KCNIP1: variants seen among roughly 807,000 people sequenced by gnomAD.
The protein encoded by KCNIP1 is potassium voltage-gated channel interacting protein 1.
A neutral mutation model predicts 33.0 loss-of-function variants in KCNIP1; 18 were observed. The ratio of observed to expected loss-of-function variants is 0.55; its 90% confidence interval spans 0.38 to 0.81. The LOEUF is 0.81. Among genes scored for constraint, KCNIP1 ranks in the 30% least tolerant of loss-of-function variants. The pLI, the probability that KCNIP1 is intolerant of heterozygous loss-of-function variation, is 0.00. For synonymous variants in KCNIP1, 93 were observed against 98.3 expected (o/e 0.95, Z 0.32); for missense variants, 238 against 271.6 (o/e 0.88, Z 0.87).
At chr5:170,670,920 A>T (rs1445603146) in intron 1 of KCNIP1, among the ~76,000 whole-genome samples, 1 of 151,848 alleles carries the variant, frequency 6.6e-6, no homozygotes, top group Admixed American at 6.6e-5. Flanking sequence ...AAAATAAAAA[A>T]AAAAGAAGAG....
At chr5:170,659,837 A>T (rs1173797222) in intron 1 of KCNIP1, among the ~76,000 whole-genome samples, 1 of 152,250 alleles carries the variant, frequency 6.6e-6, no homozygotes, top group African/African-American at 2.4e-5. Flanking sequence ...TATTTTTAAT[A>T]GAACTGCTTC....
intron 1 of KCNIP1, among the ~76,000 whole-genome samples, chr5:170,653,260 A>C (rs539838868): frequency 6.6e-6 from 1 of 152,300 alleles, no homozygotes; most frequent in African/African-American, 2.4e-5. Flanking sequence ...GGAATTGGGG[A>C]AACTCTCCCC....
intron 1 of KCNIP1, among the ~76,000 whole-genome samples, chr5:170,588,875 T>A (rs79214914): frequency 0.087 from 13,167 of 152,214 alleles, 638 homozygotes; most frequent in South Asian, 0.12. Context: ...TTCTTGCTGA[T>A]GGCCTTAGGC....
chr5:170,386,700 T>G (rs1474863898), intron 1 of KCNIP1, among the ~76,000 whole-genome samples: 7 of 150,962 alleles, frequency 4.6e-5, no homozygotes, highest in Non-Finnish European at 8.9e-5. Flanking sequence ...TTTTTTTTTG[T>G]AAGGAACATT....
chr5:170,445,805 T>C (rs566217460), intron 1 of KCNIP1, among the ~76,000 whole-genome samples: 6 of 152,326 alleles, frequency 3.9e-5, no homozygotes, highest in Admixed American at 1.3e-4. Flanking sequence ...AGCCAGGCCA[T>C]ACTACCGAGG....
chr5:170,447,440 A>G (rs1176372219), intron 1 of KCNIP1, among the ~76,000 whole-genome samples: 1 of 152,182 alleles, frequency 6.6e-6, no homozygotes, highest in Non-Finnish European at 1.5e-5. Flanking sequence ...TAAATGAGCT[A>G]GACTCAGTCA....
chr5:170,434,236 G>T (rs1240636812), intron 1 of KCNIP1, among the ~76,000 whole-genome samples: 1 of 151,880 alleles, frequency 6.6e-6, no homozygotes, highest in African/African-American at 2.4e-5. Flanking sequence ...GTATGTATGT[G>T]TTAAGATTCA....
At chr5:170,498,159 G>A (rs1013094962) in intron 1 of KCNIP1, among the ~76,000 whole-genome samples, 3 of 152,238 alleles carry the variant, frequency 2.0e-5, no homozygotes, top group Non-Finnish European at 4.4e-5. Context: ...AAGGGAACTG[G>A]AAGGGGAAAG....
chr5:170,722,791 A>T lies in KCNIP1; in HGVS notation c.406A>T (p.Ile136Phe). ...KLRWTFNLYD[I>F]NKDGYINKEE... Reference sequence around the variant, plus strand: ...AAGGTGGACATTTAATTTGTATGACATCAACAAGGACGGATACATAAACAA... The same window carrying T: ...AAGGTGGACATTTAATTTGTATGACTTCAACAAGGACGGATACATAAACAA... Residue 136 changes from isoleucine to phenylalanine, a missense_variant, in exon 5 of 8, where the codon ATC becomes TTC. Coordinates refer to ENST00000328939, the MANE Select transcript of KCNIP1 (RefSeq NM_014592.4). 1.9e-6 allele frequency: 3 copies of T among 1,613,504 alleles called. No individual in the cohort carries two copies. The highest frequency in any genetic ancestry group is 1.7e-6 in the Non-Finnish European group (2 of 1,179,420).
chr5:170,526,165 A>G (rs1411695872), intron 1 of KCNIP1, among the ~76,000 whole-genome samples: 1 of 152,098 alleles, frequency 6.6e-6, no homozygotes, highest in Non-Finnish European at 1.5e-5. Context: ...GGCCATGCTC[A>G]TGTCACCCTC....
intron 1 of KCNIP1, among the ~76,000 whole-genome samples, chr5:170,526,921 C>T (rs368312739): frequency 6.6e-6 from 1 of 152,056 alleles, no homozygotes; most frequent in Non-Finnish European, 1.5e-5. Flanking sequence ...TGGGCTTTCA[C>T]CATGTTGGCC....
At chr5:170,471,247 A>G (rs1756719550) in intron 1 of KCNIP1, among the ~76,000 whole-genome samples, 1 of 152,112 alleles carries the variant, frequency 6.6e-6, no homozygotes, top group Admixed American at 6.6e-5. Context: ...TAGAATCTGT[A>G]TGGGGTGGAA....
exon 1 of KCNIP1, chr5:170,353,904 C>T (rs1230901951): frequency 2.5e-6 from 4 of 1,614,104 alleles, no homozygotes; most frequent in Non-Finnish European, 3.4e-6. Flanking sequence ...AAGATGCAAG[C>T]TTGGGTTCGT....
intron 1 of KCNIP1, among the ~76,000 whole-genome samples, chr5:170,455,992 A>G (rs1314843977): frequency 6.6e-6 from 1 of 152,226 alleles, no homozygotes; most frequent in African/African-American, 2.4e-5. Context: ...TCATTCTACT[A>G]TAAAGACACA....
At chr5:170,715,294 C>T (rs1315076369) in intron 1 of KCNIP1, among the ~76,000 whole-genome samples, 2 of 152,154 alleles carry the variant, frequency 1.3e-5, no homozygotes, top group Non-Finnish European at 2.9e-5. Context: ...GATGTTCACA[C>T]GATGACAAAA....
At chr5:170,437,263 G>C (rs540571224) in intron 1 of KCNIP1, among the ~76,000 whole-genome samples, 1 of 152,262 alleles carries the variant, frequency 6.6e-6, no homozygotes, top group East Asian at 1.9e-4. Context: ...ATAAATTCAG[G>C]AAATTCTTTT....
rs927597955 is a variant in KCNIP1 at position 170,718,610 on chromosome 5, T to C, written c.62-148T>C. The C allele has an allele frequency of 7.0e-6, 6 of 854,942 alleles. No homozygotes were observed. The African/African-American group carries it at 1.0e-4, about 15-fold the overall frequency. The allele number at this position is 854,942 out of a possible 1,614,324, so 53.0% of individuals were successfully genotyped here. On this transcript the variant is annotated intron_variant, in intron 1 of 7. Coordinates refer to ENST00000328939, the MANE Select transcript of KCNIP1 (RefSeq NM_014592.4). ...GGCTGACAGGGCAGGGAAGTGGGGT[T>C]CAAGATAGGAAGGCCATTGGCAGTG...
intron 1 of KCNIP1, among the ~76,000 whole-genome samples, chr5:170,418,380 G>T (rs1414202989): frequency 6.6e-6 from 1 of 152,198 alleles, no homozygotes; most frequent in East Asian, 1.9e-4. Context: ...GCAGAGCTGA[G>T]ACTGCACCAC....
intron 5 of KCNIP1, among the ~76,000 whole-genome samples, chr5:170,724,146 T>C (rs773621846): frequency 6.6e-6 from 1 of 152,212 alleles, no homozygotes; most frequent in Non-Finnish European, 1.5e-5. Context: ...AGAGAAATTA[T>C]ATTCACAGTT....
Sources: allele counts gnomAD v4.1 joint callset (sites outside exome capture counted in the v4.1 genomes callset), GRCh38; gene constraint gnomAD v4.1.1; transcripts MANE v1.5; gene names NCBI Gene and HGNC (gene_info 2026-07-23, HGNC 2026-07-21).